FRK: variants seen among roughly 807,000 people sequenced by gnomAD.
FRK encodes the protein tyrosine-protein kinase FRK.
FRK carries 51 observed loss-of-function variants against 56.4 expected under a neutral mutation model. The ratio of observed to expected loss-of-function variants is 0.90; its 90% CI spans 0.72 to 1.14. FRK has a LOEUF of 1.14. Among genes scored for constraint, FRK ranks in the 50% most tolerant of loss-of-function variants. The pLI is 0.00. For synonymous variants in FRK, 245 were observed against 217.9 expected, an observed-to-expected ratio of 1.12 and a Z score of -1.10; for missense variants, 570 against 601.4, an observed-to-expected ratio of 0.95 and a Z score of 0.55.
chr6:116,056,393 T>A (rs80236216), intron 1 of FRK, among the ~76,000 whole-genome samples: 1 of 152,070 alleles, frequency 6.6e-6, no homozygotes, highest in Non-Finnish European at 1.5e-5. Flanking sequence ...GCAAATTTTT[T>A]AATTTTTTTG....
At chr6:116,094,002 G>C in the FRK span, among the ~76,000 whole-genome samples, 2 of 152,202 alleles carry the variant, frequency 1.3e-5, no homozygotes, top group African/African-American at 4.8e-5. Context: ...AGCAAGATAA[G>C]AGAAAGGCCG....
At chr6:116,085,746 G>A in the FRK span, among the ~76,000 whole-genome samples, 1 of 152,188 alleles carries the variant, frequency 6.6e-6, no homozygotes, top group African/African-American at 2.4e-5. Flanking sequence ...GCCACAGAGA[G>A]AGAGGGAGAG....
At chr6:116,007,954 T>C (rs1175023205) in intron 1 of FRK, among the ~76,000 whole-genome samples, 1 of 152,072 alleles carries the variant, frequency 6.6e-6, no homozygotes, top group Non-Finnish European at 1.5e-5. Flanking sequence ...AATGAAGGGA[T>C]GATGGTGCAA....
chr6:116,010,997 G>A (rs1562284571), intron 1 of FRK, among the ~76,000 whole-genome samples: 1 of 152,074 alleles, frequency 6.6e-6, no homozygotes, highest in Non-Finnish European at 1.5e-5. Context: ...CCACCAGGTG[G>A]CAGTAGGCCA....
In FRK at chr6:115,935,640, TG is replaced by T. The variant is rs1238527593; in HGVS notation, c.*6773del. ...CAAGCACAGCAGTCTGAGGTCGACC[TG>T]GGACACTCGAGCTTGGAGGGAGGAG... On this transcript the variant is annotated 3_prime_UTR_variant, in exon 8 of 8. Transcript: ENST00000606080. 21 of 152,326 alleles carry T rather than the reference TG, an allele frequency of 1.4e-4. No individual in the cohort carries two copies. Among genetic ancestry groups the T allele is most frequent in the African/African-American group, 5.1e-4 (21 of 41,454 alleles). The allele number at this position is 152,326 out of a possible 1,614,324, so 9.4% of individuals were successfully genotyped here.
chr6:116,015,454 G>A (rs1351723741), intron 1 of FRK, among the ~76,000 whole-genome samples: 5 of 152,032 alleles, frequency 3.3e-5, no homozygotes, highest in African/African-American at 7.3e-5. Context: ...GTGTGAGAAC[G>A]GACTAATACA....
chr6:115,959,515 T>C (rs1223744284), intron 4 of FRK, among the ~76,000 whole-genome samples: 1 of 152,172 alleles, frequency 6.6e-6, no homozygotes, highest in Non-Finnish European at 1.5e-5. Context: ...AAATCTCAGG[T>C]GCTAGAATAG....
At chr6:115,945,633 A>G (rs1772410426) in intron 5 of FRK, among the ~76,000 whole-genome samples, 2 of 152,288 alleles carry the variant, frequency 1.3e-5, no homozygotes, top group East Asian at 1.9e-4. Context: ...CCAATGAAAA[A>G]TTCTCATTCT....
the FRK span, among the ~76,000 whole-genome samples, chr6:116,069,948 G>A: frequency 7.2e-5 from 11 of 152,026 alleles, no homozygotes; most frequent in Non-Finnish European, 1.5e-4. Context: ...CAGTTTGTGC[G>A]GCAGGAATTT....
At chr6:115,978,719 AC>A (rs1181157265) in intron 2 of FRK, among the ~76,000 whole-genome samples, 1 of 152,136 alleles carries the variant, frequency 6.6e-6, no homozygotes, top group Non-Finnish European at 1.5e-5. Flanking sequence ...TTGTGCTACC[AC>A]TTGTAGCACA....
At position 116,033,518 on chromosome 6, in the gene FRK, A is replaced by G. The variant is rs1776368366; in HGVS notation, c.344+26450T>C. Among the ~76,000 whole-genome samples the G allele has an allele frequency of 2.0e-5, 3 of 152,208 alleles. No individual in the cohort carries two copies. In the South Asian group the frequency reaches 6.2e-4, roughly 32 times the overall value. Reference sequence around the variant, plus strand: ...CAAATTTATTGAACAATAAATTTTAAAATCTAGGCTCTAAACAAATTTTAT... The same window carrying G: ...CAAATTTATTGAACAATAAATTTTAGAATCTAGGCTCTAAACAAATTTTAT... On this transcript the variant is annotated intron_variant, in intron 1 of 7. Transcript: ENST00000606080.
In FRK at chr6:115,991,204, C is replaced by T. The variant is rs149929772; in HGVS notation, c.466+12673G>A. 2.6e-3 allele frequency among the ~76,000 whole-genome samples: 399 copies of T among 151,792 alleles called. 1 individual carries two copies. The highest frequency in any genetic ancestry group is 4.3e-3 in the Admixed American group (65 of 15,226). The stretch of plus-strand genomic sequence containing the variant: ...TTCAGGTTTTCTAGGTGTAAGATCA[C>T]GTCATCGGTGAAGACAGACAATTTG... On this transcript the variant is annotated intron_variant, in intron 2 of 7. Transcript: ENST00000606080.
At chr6:116,088,227 C>A in the FRK span, among the ~76,000 whole-genome samples, 16 of 152,226 alleles carry the variant, frequency 1.1e-4, no homozygotes, top group Admixed American at 1.0e-3. Context: ...CACCTGCAGC[C>A]AAGTCCTTGT....
chr6:116,091,416 T>C, the FRK span, among the ~76,000 whole-genome samples: 3 of 152,168 alleles, frequency 2.0e-5, no homozygotes, highest in African/African-American at 7.2e-5. Flanking sequence ...CTTTGTTCTT[T>C]CGCTCTTCAC....
At chr6:116,015,641 T>C (rs1320612053) in intron 1 of FRK, among the ~76,000 whole-genome samples, 2 of 152,170 alleles carry the variant, frequency 1.3e-5, no homozygotes, top group Non-Finnish European at 2.9e-5. Flanking sequence ...TTGATCAAAA[T>C]GCTGATAGTA....
At chr6:115,984,014 T>A (rs1774302277) in intron 2 of FRK, among the ~76,000 whole-genome samples, 1 of 152,164 alleles carries the variant, frequency 6.6e-6, no homozygotes, top group African/African-American at 2.4e-5. Flanking sequence ...TTTCACAAAC[T>A]GTTAAGGTAG....
chr6:116,027,857 T>C (rs1421199531), intron 1 of FRK, among the ~76,000 whole-genome samples: 2 of 150,568 alleles, frequency 1.3e-5, no homozygotes, highest in African/African-American at 2.4e-5. Flanking sequence ...AAGGCTGATA[T>C]ATAGGAGTGG....
At chr6:116,078,550 C>T in the FRK span, among the ~76,000 whole-genome samples, 43 of 152,228 alleles carry the variant, frequency 2.8e-4, no homozygotes, top group Non-Finnish European at 4.6e-4. Context: ...CAAAACACCC[C>T]ATGTGAAATA....
rs1775074431 is a variant in FRK at position 116,001,857 on chromosome 6, A to G, written c.466+2020T>C. ...TTGGAGAATTTTGTTTACAAAACAT[A>G]CACACACACACAAGTATTTCATTAT... On this transcript the variant is annotated intron_variant, in intron 2 of 7. Transcript: ENST00000606080. 1.7e-4 allele frequency among the ~76,000 whole-genome samples: 10 copies of G among 57,794 alleles called. No individual in the cohort carries two copies. In the South Asian group the frequency reaches 3.4e-3, roughly 19 times the overall value. 37.9% of individuals were successfully genotyped at this position (57,794 alleles called of 152,430 possible). A position where few individuals can be genotyped will look rare whatever the true frequency, so the allele number is the denominator to read the frequency against.
Sources: gnomAD v4.1 joint callset for allele counts (sites outside exome capture counted in the v4.1 genomes callset) on GRCh38, gnomAD v4.1.1 for gene constraint, MANE v1.5 for transcripts, NCBI Gene and HGNC (gene_info 2026-07-23, HGNC 2026-07-21) for gene names.